SLC8A1: variants seen among roughly 807,000 people sequenced by gnomAD.
SLC8A1 encodes the protein solute carrier family 8 member A1.
A neutral mutation model predicts 68.3 loss-of-function variants in SLC8A1; 18 were observed. The ratio of observed to expected loss-of-function variants is 0.26; its 90% CI spans 0.18 to 0.39. The LOEUF (loss-of-function observed/expected upper bound fraction) is 0.39. Among genes scored for constraint, SLC8A1 ranks in the 10% least tolerant of loss-of-function variants. SLC8A1 has a pLI of 1.00. For missense variants in SLC8A1, 985 were observed against 1,156.7 expected, an observed-to-expected ratio of 0.85 and a Z score of 2.15; for synonymous variants, 475 against 415.5, an observed-to-expected ratio of 1.14 and a Z score of -1.74.
At chr2:40,364,470 G>T (rs576672438) in intron 2 of SLC8A1, among the ~76,000 whole-genome samples, 66 of 149,586 alleles carry the variant, frequency 4.4e-4, no homozygotes, top group Admixed American at 1.1e-3. Flanking sequence ...ACAATTAGAA[G>T]ATTTCTATGA....
intron 1 of SLC8A1, among the ~76,000 whole-genome samples, chr2:40,431,098 G>A (rs1170668471): frequency 6.6e-6 from 1 of 152,052 alleles, no homozygotes; most frequent in Non-Finnish European, 1.5e-5. Flanking sequence ...TTAGCAGCTG[G>A]GCATCTGGTT....
chr2:40,290,065 A>G (rs1288813482), intron 2 of SLC8A1, among the ~76,000 whole-genome samples: 3 of 152,040 alleles, frequency 2.0e-5, no homozygotes, highest in Non-Finnish European at 2.9e-5. Context: ...ACATAAGTCA[A>G]TTTGGCAGGG....
At chr2:40,115,244 AT>A in exon 8 of SLC8A1, 3 of 1,591,050 alleles carry the variant, frequency 1.9e-6, no homozygotes, top group South Asian at 1.1e-5. Flanking sequence ...ACTATATCTG[AT>A]AGTTCCTTTA....
At chr2:40,184,758 C>G (rs2050328770) in intron 2 of SLC8A1, among the ~76,000 whole-genome samples, 1 of 151,906 alleles carries the variant, frequency 6.6e-6, no homozygotes, top group Non-Finnish European at 1.5e-5. Flanking sequence ...TCCAGAAAGA[C>G]CTGACCCAGG....
At chr2:40,128,610 C>T (rs893335409) in intron 7 of SLC8A1, among the ~76,000 whole-genome samples, 3 of 152,164 alleles carry the variant, frequency 2.0e-5, no homozygotes, top group Non-Finnish European at 4.4e-5. Flanking sequence ...ACATCAGGTA[C>T]TGCCCTAAGA....
intron 2 of SLC8A1, among the ~76,000 whole-genome samples, chr2:40,276,123 G>T (rs1243761259): frequency 6.6e-6 from 1 of 152,214 alleles, no homozygotes; most frequent in Admixed American, 6.5e-5. Flanking sequence ...GCAAGCTTTT[G>T]AGAAGACTGG....
rs1297406064 is a variant in SLC8A1, at chr2:40,234,188, G to C, written c.1809-56333C>G. ...GCATTGAATCTGTAAATTACCTTGG[G>C]CAGTATGGCCATTTTCATGATATTG... On this transcript the variant is annotated intron_variant, in intron 2 of 7. Coordinates refer to ENST00000406785, the Ensembl canonical transcript of SLC8A1. 1.3e-4 allele frequency among the ~76,000 whole-genome samples: 20 copies of C among 152,056 alleles called. 1 individual carries two copies. Among genetic ancestry groups the C allele is most frequent in the Admixed American group, 1.3e-3 (20 of 15,256 alleles).
intron 1 of SLC8A1, among the ~76,000 whole-genome samples, chr2:40,472,973 T>C (rs1208683709): frequency 6.8e-6 from 1 of 146,040 alleles, no homozygotes; most frequent in Non-Finnish European, 1.5e-5. Flanking sequence ...ACAGCACAGA[T>C]AATACATACA....
At chr2:40,307,958 G>A (rs899509817) in intron 2 of SLC8A1, among the ~76,000 whole-genome samples, 25 of 151,950 alleles carry the variant, frequency 1.6e-4, no homozygotes, top group African/African-American at 5.6e-4. Context: ...AGGAGAAGAA[G>A]ACCTGCTAAA....
chr2:40,413,366 T>C (rs1692784187), intron 2 of SLC8A1, among the ~76,000 whole-genome samples: 1 of 152,080 alleles, frequency 6.6e-6, no homozygotes, highest in Non-Finnish European at 1.5e-5. Flanking sequence ...TGTCCAACAA[T>C]GATAGACTGG....
At chr2:40,389,060 G>A (rs529187013) in intron 2 of SLC8A1, among the ~76,000 whole-genome samples, 3 of 151,464 alleles carry the variant, frequency 2.0e-5, no homozygotes, top group South Asian at 2.1e-4. Flanking sequence ...ACACAAATGT[G>A]GCTATATATT....
chr2:40,169,714 G>A (rs1273753441), intron 4 of SLC8A1, among the ~76,000 whole-genome samples: 1 of 152,126 alleles, frequency 6.6e-6, no homozygotes, highest in Non-Finnish European at 1.5e-5. Context: ...GCAGAGGCGG[G>A]TGGACTGCTT....
chr2:40,273,425 G>C (rs929727440), intron 2 of SLC8A1, among the ~76,000 whole-genome samples: 1 of 152,096 alleles, frequency 6.6e-6, no homozygotes, highest in African/African-American at 2.4e-5. Context: ...AATAAACTAA[G>C]AAGTCTAAGA....
intron 1 of SLC8A1, among the ~76,000 whole-genome samples, chr2:40,438,824 T>G (rs1285135733): frequency 7.9e-5 from 12 of 152,014 alleles, no homozygotes; most frequent in Admixed American, 7.9e-4. Flanking sequence ...CAATCCCAGG[T>G]GATTGTCATG....
At chr2:40,408,890 A>G (rs1252440517) in intron 2 of SLC8A1, among the ~76,000 whole-genome samples, 7 of 152,166 alleles carry the variant, frequency 4.6e-5, no homozygotes, top group Admixed American at 3.9e-4. Context: ...ATAGAAAAAA[A>G]ATATAGCCAT....
At chr2:40,275,836 G>A (rs2066625332) in intron 2 of SLC8A1, among the ~76,000 whole-genome samples, 3 of 152,146 alleles carry the variant, frequency 2.0e-5, no homozygotes, top group African/African-American at 7.2e-5. Context: ...GGTCAGGCTG[G>A]ATGGATGTTG....
intron 2 of SLC8A1, among the ~76,000 whole-genome samples, chr2:40,317,653 T>C (rs1228886674): frequency 6.6e-6 from 1 of 152,034 alleles, no homozygotes; most frequent in Non-Finnish European, 1.5e-5. Context: ...TTTTTAAAGA[T>C]AAAAGCTATT....
intron 1 of SLC8A1, among the ~76,000 whole-genome samples, chr2:40,435,867 C>T (rs1699301011): frequency 6.6e-6 from 1 of 151,852 alleles, no homozygotes; most frequent in South Asian, 2.1e-4. Context: ...CCTGTGCCTT[C>T]TGGATTCAAG....
chr2:40,382,334 C>T (rs1411546632), intron 2 of SLC8A1, among the ~76,000 whole-genome samples: 1 of 152,130 alleles, frequency 6.6e-6, no homozygotes, highest in East Asian at 1.9e-4. Flanking sequence ...TGAGTACATA[C>T]ACCTAGTAGG....
Sources: gnomAD v4.1 joint callset for allele counts (sites outside exome capture counted in the v4.1 genomes callset) on GRCh38, gnomAD v4.1.1 for gene constraint, MANE v1.5 for transcripts, NCBI Gene and HGNC (gene_info 2026-07-23, HGNC 2026-07-21) for gene names.